Variants in PMM1 observed in about 807,000 individuals in gnomAD.
PMM1 encodes the protein brain glucose-1,6-bisphosphatase.
A neutral mutation model predicts 34.0 loss-of-function variants in PMM1; 25 were observed. The ratio of observed to expected loss-of-function variants is 0.73; its 90% confidence interval spans 0.54 to 1.03. The LOEUF is 1.03. Among genes scored for constraint, PMM1 ranks in the 50% least tolerant of loss-of-function variants. PMM1 has a pLI of 0.00. For synonymous variants in PMM1, 134 were observed against 143.9 expected (o/e 0.93, Z 0.49); for missense variants, 321 against 350.1 (o/e 0.92, Z 0.66).
At chr22:41,579,485 A>G (rs567901358) in intron 5 of PMM1, 1 of 153,258 alleles carries the variant, frequency 6.5e-6, no homozygotes, top group Admixed American at 6.4e-5. Flanking sequence ...AGCCCCCAGG[A>G]TCTCCATCTC....
At chr22:41,585,451 T>C (rs1223280444) in intron 2 of PMM1, 4 of 151,614 alleles carry the variant, frequency 2.6e-5, no homozygotes, top group African/African-American at 7.3e-5. Context: ...GTAGCCATCA[T>C]TGGTTCTGCC....
intron 5 of PMM1, among the ~76,000 whole-genome samples, chr22:41,581,093 G>A (rs1287756418): frequency 8.7e-5 from 10 of 115,082 alleles, no homozygotes; most frequent in African/African-American, 2.9e-4. Flanking sequence ...CCAGCCTGGC[G>A]ACAGAGTGAG....
chr22:41,577,741 GA>G, intron 7 of PMM1, 66 bp downstream of exon 7: 1 of 1,227,528 alleles, frequency 8.1e-7, no homozygotes, highest in South Asian at 1.2e-5. Flanking sequence ...TTGCATTGGA[GA>G]AGCCACCAGA....
At chr22:41,584,151 C>G (rs1269024971) in intron 4 of PMM1, 93 bp from the exon 5 acceptor site, 1 of 1,300,564 alleles carries the variant, frequency 7.7e-7, no homozygotes, top group African/African-American at 1.5e-5. Flanking sequence ...CCTAGGACTT[C>G]AAAGGGGACA....
At chr22:41,583,254 C>T (rs565936856) in intron 5 of PMM1, among the ~76,000 whole-genome samples, 10 of 152,182 alleles carry the variant, frequency 6.6e-5, no homozygotes, top group South Asian at 6.2e-4. Flanking sequence ...CCGAGGCAGG[C>T]GGATCACCTT....
chr22:41,578,126 G>A (rs1270630675), intron 6 of PMM1, among the ~76,000 whole-genome samples: 1 of 152,084 alleles, frequency 6.6e-6, no homozygotes, highest in African/African-American at 2.4e-5. Context: ...GGTGGGGGAA[G>A]CTCATCCGGC....
chr22:41,577,451 A>G lies in PMM1; in HGVS notation c.667-11T>C, dbSNP rs764848379. On this transcript the variant is annotated splice_polypyrimidine_tract_variant and intron_variant, in intron 7 of 7. Transcript: ENST00000216259. ...AAAGTCGTTCCCACCCTGCACACAGAGGATGGGCAGAGGAGGGATATTTAG... is the reference window on the plus strand; with the variant it reads ...AAAGTCGTTCCCACCCTGCACACAGGGGATGGGCAGAGGAGGGATATTTAG... 1.9e-6 allele frequency: 3 copies of G among 1,607,978 alleles called. No homozygotes were observed. The highest frequency in any genetic ancestry group is 1.7e-6 in the Non-Finnish European group (2 of 1,178,942).
chr22:41,577,162 G>A lies in PMM1; in HGVS notation c.*156C>T. On this transcript the variant is annotated 3_prime_UTR_variant, in exon 8 of 8. Transcript: ENST00000216259. ...TGCCACTAGGAGCAGACTGGCTGGG[G>A]ACGGTTGTCCACACAGACTCTGGCC... 2 of 967,210 alleles carry A rather than the reference G, an allele frequency of 2.1e-6. No homozygotes were observed. Among genetic ancestry groups the A allele is most frequent in the Non-Finnish European group, 3.2e-6 (2 of 624,120 alleles). 59.9% of individuals were successfully genotyped at this position (967,210 alleles called of 1,614,324 possible).
Position 41,584,560 on chromosome 22 carries a change from C to A in PMM1, c.249G>T (p.Val83=), listed in dbSNP as rs1319332505. 1.3e-5 allele frequency: 21 copies of A among 1,613,872 alleles called. No homozygotes were observed. The highest frequency in any genetic ancestry group is 1.8e-5 in the Non-Finnish European group (21 of 1,179,952). ...FDYVFAENGT[V]QYKHGRLLSK... is the part of the protein sequence containing the mutation. ...AGAGCAGTCGTCCGTGCTTATACTG[C>A]ACCGTCCCGTTCTCGGCAAACACAT... The change falls in exon 3 of 8, where the codon GTG becomes GTT. Residue 83 remains valine, a synonymous_variant. Transcript: ENST00000216259.
At chr22:41,584,667 G>T in intron 2 of PMM1, 64 bp from the exon 3 acceptor site, 1 of 1,231,056 alleles carries the variant, frequency 8.1e-7, no homozygotes. Flanking sequence ...GACCCCACGG[G>T]CAAGTAAAGA....
chr22:41,578,468 G>C (rs1038327832), intron 6 of PMM1, among the ~76,000 whole-genome samples: 8 of 152,070 alleles, frequency 5.3e-5, no homozygotes, highest in Admixed American at 3.9e-4. Flanking sequence ...CAGTGGAAGT[G>C]TGAGCACCGG....
chr22:41,582,442 C>T (rs1293756828), intron 5 of PMM1, among the ~76,000 whole-genome samples: 1 of 152,116 alleles, frequency 6.6e-6, no homozygotes, highest in Non-Finnish European at 1.5e-5. Context: ...CCAGACTGGG[C>T]AACAGAGTAA....
chr22:41,584,621 G>A lies in PMM1; in HGVS notation c.206-18C>T. On this transcript the variant is annotated intron_variant, in intron 2 of 7. Transcript: ENST00000216259. The stretch of plus-strand genomic sequence containing the variant: ...CTCAATGACTTCAGGGTCACATAGA[G>A]GACAGGAGGAAGAAAGAGTGTGAGA... 1.3e-6 allele frequency: 2 copies of A among 1,598,600 alleles called. No homozygotes were observed. The highest frequency in any genetic ancestry group is 1.7e-6 in the Non-Finnish European group (2 of 1,167,486).
chr22:41,584,254 C>A, intron 4 of PMM1, 27 bp downstream of exon 4: 1 of 1,603,744 alleles, frequency 6.2e-7, no homozygotes, highest in South Asian at 1.1e-5. Flanking sequence ...GCCCCAGGTT[C>A]TGGAGACCAG....
intron 7 of PMM1, 89 bp from the exon 8 acceptor site, chr22:41,577,529 T>C: frequency 7.0e-7 from 1 of 1,421,576 alleles, no homozygotes; most frequent in Non-Finnish European, 9.6e-7. Flanking sequence ...CTCCTGCCCC[T>C]TCAGAACTGC....
chr22:41,589,427 C>G, intron 1 of PMM1: 1 of 526,156 alleles, frequency 1.9e-6, no homozygotes. Context: ...GTGTGACAGC[C>G]TCCGGGGAGG....
chr22:41,577,329 G>A lies in PMM1; in HGVS notation c.778C>T (p.His260Tyr), dbSNP rs576239735. The A allele has an allele frequency of 6.2e-7, 1 of 1,613,006 alleles. No individual in the cohort carries two copies. Among genetic ancestry groups the A allele is most frequent in the African/African-American group, 1.3e-5 (1 of 75,060 alleles). Residue 260 changes from histidine (H) to tyrosine (Y), a missense_variant, in exon 8 of 8, where the codon CAT (histidine) becomes TAT (tyrosine). Physicochemically the swap from His to Tyr is moderately conservative, Grantham distance 83. Coordinates refer to ENST00000216259, the MANE Select transcript of PMM1 (RefSeq NM_002676.3). ...GATGTGGGCCCCGGTCACGCCTCAT[G>A]AGCTGTCTCTGGGAAGAAAATCTCC... Reference protein sequence around the residue: ...CREIFFPETAHEA With the variant: ...CREIFFPETAYEA
chr22:41,585,799 C>T (rs1250762871), intron 2 of PMM1, among the ~76,000 whole-genome samples: 1 of 152,040 alleles, frequency 6.6e-6, no homozygotes, highest in Non-Finnish European at 1.5e-5. Context: ...GCTGGTTCAG[C>T]CCATTTTAAA....
intron 7 of PMM1, 39 bp downstream of exon 7, chr22:41,577,769 C>T: frequency 2.7e-6 from 4 of 1,485,714 alleles, no homozygotes; most frequent in South Asian, 1.1e-5. Context: ...TTCTCACTGT[C>T]CACTGCGTTA....
Sources: allele counts gnomAD v4.1 joint callset (sites outside exome capture counted in the v4.1 genomes callset), GRCh38; gene constraint gnomAD v4.1.1; transcripts MANE v1.5; gene names NCBI Gene and HGNC (gene_info 2026-07-23, HGNC 2026-07-21).